SLC9A9: variants seen among roughly 807,000 people sequenced by gnomAD.
SLC9A9 encodes solute carrier family 9 member A9, also known as sodium/hydrogen exchanger 9.
Under a neutral mutation model 77.8 loss-of-function variants are expected in SLC9A9, and 62 were observed. The observed-to-expected ratio is 0.80, with a 90% confidence interval of 0.65 to 0.98. The LOEUF (loss-of-function observed/expected upper bound fraction) is 0.98, where lower values mean the gene tolerates loss of function less well. Ranked by LOEUF, SLC9A9 falls within the 50% of genes least tolerant of loss-of-function variation. The pLI, the probability that SLC9A9 is intolerant of heterozygous loss-of-function variation, is 0.00. For missense variants in SLC9A9, 775 were observed against 774.9 expected (o/e 1.00, Z 0.00); for synonymous variants, 320 against 283.5 (o/e 1.13, Z -1.29).
intron 12 of SLC9A9, among the ~76,000 whole-genome samples, chr3:143,393,470 T>C (rs893506382): frequency 7.2e-5 from 11 of 152,306 alleles, no homozygotes; most frequent in Middle Eastern, 3.4e-3. Flanking sequence ...GGGAAACTTA[T>C]AGCACTAAAT....
At chr3:143,784,422 C>T (rs965837932) in intron 4 of SLC9A9, among the ~76,000 whole-genome samples, 2 of 152,168 alleles carry the variant, frequency 1.3e-5, no homozygotes, top group African/African-American at 4.8e-5. Context: ...TGAGTTAGCT[C>T]TTCTATGGTC....
At chr3:143,546,045 G>A (rs930587859) in intron 9 of SLC9A9, among the ~76,000 whole-genome samples, 2 of 152,210 alleles carry the variant, frequency 1.3e-5, no homozygotes, top group Admixed American at 6.5e-5. Flanking sequence ...GCTCATGTGT[G>A]TTAAATTAAT....
intron 12 of SLC9A9, among the ~76,000 whole-genome samples, chr3:143,452,892 T>C (rs1243254984): frequency 6.6e-6 from 1 of 152,128 alleles, no homozygotes; most frequent in Non-Finnish European, 1.5e-5. Context: ...TCTTAGAAGA[T>C]GCATGCTTTA....
chr3:143,741,069 C>T (rs150806873), intron 4 of SLC9A9, among the ~76,000 whole-genome samples: 21 of 152,250 alleles, frequency 1.4e-4, no homozygotes, highest in African/African-American at 4.3e-4. Flanking sequence ...TATATATGCA[C>T]ATTAGTATAC....
At chr3:143,558,826 T>C (rs1168403809) in intron 8 of SLC9A9, among the ~76,000 whole-genome samples, 1 of 152,104 alleles carries the variant, frequency 6.6e-6, no homozygotes, top group Non-Finnish European at 1.5e-5. Context: ...GGCATGATTG[T>C]GTTTTGAAAT....
At chr3:143,593,088 A>G (rs1400413262) in intron 6 of SLC9A9, among the ~76,000 whole-genome samples, 1 of 152,230 alleles carries the variant, frequency 6.6e-6, no homozygotes, top group African/African-American at 2.4e-5. Context: ...TGGAATGCAT[A>G]TGCCTTTGTC....
intron 4 of SLC9A9, among the ~76,000 whole-genome samples, chr3:143,705,343 T>C (rs1051069394): frequency 6.6e-6 from 1 of 151,946 alleles, no homozygotes; most frequent in African/African-American, 2.4e-5. Flanking sequence ...GGTTAATGGG[T>C]ACAAAAAAAA....
At chr3:143,599,115 G>A (rs927713450) in intron 6 of SLC9A9, among the ~76,000 whole-genome samples, 30 of 152,202 alleles carry the variant, frequency 2.0e-4, no homozygotes, top group Non-Finnish European at 2.8e-4. Flanking sequence ...TGGGACTGTG[G>A]CAGAAGAATA....
intron 8 of SLC9A9, among the ~76,000 whole-genome samples, chr3:143,569,934 C>A (rs543892959): frequency 6.6e-6 from 1 of 151,702 alleles, no homozygotes; most frequent in South Asian, 2.1e-4. Flanking sequence ...CCTCAGCCTC[C>A]CTGGTAGCTA....
At chr3:143,632,122 G>T (rs576959647) in intron 6 of SLC9A9, among the ~76,000 whole-genome samples, 1 of 152,158 alleles carries the variant, frequency 6.6e-6, no homozygotes, top group Non-Finnish European at 1.5e-5. Context: ...GAGAGTCAAT[G>T]GTTCCAAACA....
At chr3:143,506,299 C>T (rs1356658156) in intron 9 of SLC9A9, among the ~76,000 whole-genome samples, 1 of 152,186 alleles carries the variant, frequency 6.6e-6, no homozygotes, top group African/African-American at 2.4e-5. Flanking sequence ...AGGGGCTGCT[C>T]AACCTGGAAC....
chr3:143,390,947 G>A (rs1361482662), intron 12 of SLC9A9, among the ~76,000 whole-genome samples: 3 of 152,216 alleles, frequency 2.0e-5, no homozygotes, highest in Non-Finnish European at 4.4e-5. Flanking sequence ...AAACAAAGCG[G>A]CTGGGAAGCT....
At chr3:143,846,786 T>G (rs993936613) in intron 1 of SLC9A9, among the ~76,000 whole-genome samples, 1 of 152,028 alleles carries the variant, frequency 6.6e-6, no homozygotes, top group African/African-American at 2.4e-5. Flanking sequence ...AATTATACTT[T>G]AAGTTTTAGG....
chr3:143,579,776 G>C (rs956794788), intron 6 of SLC9A9, among the ~76,000 whole-genome samples: 1 of 152,174 alleles, frequency 6.6e-6, no homozygotes, highest in Non-Finnish European at 1.5e-5. Flanking sequence ...AGATGTAACT[G>C]AATCTTTTAT....
intron 7 of SLC9A9, among the ~76,000 whole-genome samples, chr3:143,575,829 C>G (rs1041674006): frequency 6.6e-5 from 10 of 152,152 alleles, no homozygotes; most frequent in Non-Finnish European, 2.9e-5. Flanking sequence ...GAGGAGACAG[C>G]CTCAGAATGA....
At chr3:143,730,532 G>T (rs1393438379) in intron 4 of SLC9A9, among the ~76,000 whole-genome samples, 1 of 152,144 alleles carries the variant, frequency 6.6e-6, no homozygotes, top group African/African-American at 2.4e-5. Context: ...TTCTCTGCAT[G>T]ACCCGTATGA....
At chr3:143,601,621 A>G (rs6803069) in intron 6 of SLC9A9, among the ~76,000 whole-genome samples, 152,360 of 152,368 alleles carry the variant, frequency 1, 76,176 homozygotes, top group Middle Eastern at 1. Context: ...GTATTAAACC[A>G]CTTTCCAAAT....
intron 12 of SLC9A9, among the ~76,000 whole-genome samples, chr3:143,434,592 T>A (rs1208401669): frequency 6.6e-6 from 1 of 152,018 alleles, no homozygotes; most frequent in African/African-American, 2.4e-5. Context: ...TCCTTTCCAC[T>A]CCTTATTTCT....
Position 143,743,241 on chromosome 3 carries a change from G to A in SLC9A9, c.534-49934C>T, listed in dbSNP as rs6782352. The stretch of plus-strand genomic sequence containing the variant: ...TGGATGGATGGATGGATGGATGGAT[G>A]GATAGATAGATAGATAGATAGATAG... On this transcript the variant is annotated intron_variant, in intron 4 of 15. Coordinates refer to ENST00000316549, the MANE Select transcript of SLC9A9 (RefSeq NM_173653.4). 1.0e-2 allele frequency among the ~76,000 whole-genome samples: 1,333 copies of A among 133,574 alleles called. 8 individuals are homozygous for A. Among genetic ancestry groups the A allele is most frequent in the Middle Eastern group, 0.026 (7 of 272 alleles). The allele number at this position is 133,574 out of a possible 152,430, so 87.6% of individuals were successfully genotyped here. A position where few individuals can be genotyped will look rare whatever the true frequency, so the allele number is the denominator to read the frequency against.
Sources: gnomAD v4.1 joint callset for allele counts (sites outside exome capture counted in the v4.1 genomes callset) on GRCh38, gnomAD v4.1.1 for gene constraint, MANE v1.5 for transcripts, NCBI Gene and HGNC (gene_info 2026-07-23, HGNC 2026-07-21) for gene names.